Variants in ACSS1 observed in about 807,000 individuals in gnomAD.
The protein encoded by ACSS1 is acetyl-coenzyme A synthetase 2-like, mitochondrial.
Under a neutral mutation model 75.3 loss-of-function variants are expected in ACSS1, and 42 were observed. The observed-to-expected ratio is 0.56, with a 90% confidence interval of 0.44 to 0.72. ACSS1 has a LOEUF of 0.72. Ranked by LOEUF, ACSS1 falls within the 30% of genes least tolerant of loss-of-function variation. The pLI, the probability that ACSS1 is intolerant of heterozygous loss-of-function variation, is 0.00. For missense variants in ACSS1, 782 were observed against 935.7 expected (o/e 0.84, Z 2.14); for synonymous variants, 380 against 376.8 (o/e 1.01, Z -0.10).
chr20:25,017,849 A>T (rs1381128779), intron 7 of ACSS1, among the ~76,000 whole-genome samples: 4 of 152,158 alleles, frequency 2.6e-5, no homozygotes, highest in Non-Finnish European at 5.9e-5. Flanking sequence ...TGGAAAACCA[A>T]ATCTTGCCCT....
chr20:25,012,917 C>T lies in ACSS1; in HGVS notation c.1602G>A (p.Gly534=). The T allele has an allele frequency of 6.2e-7, 1 of 1,614,142 alleles. No homozygotes were observed. The highest frequency in any genetic ancestry group is 1.1e-5 in the South Asian group (1 of 91,084). The change falls in exon 11 of 14, where the codon GGG becomes GGA. Residue 534 remains glycine, a synonymous_variant. Transcript: ENST00000323482. ...AYPGYYFTGD[G]AYRTEGGYYQ... is the part of the protein sequence containing the mutation. ...AATAGCCGCCCTCAGTTCGGTAAGC[C>T]CCGTCTCCAGTGAAGTAATAGCCTG...
intron 7 of ACSS1, among the ~76,000 whole-genome samples, chr20:25,015,983 G>T (rs2088508984): frequency 6.6e-6 from 1 of 152,226 alleles, no homozygotes; most frequent in African/African-American, 2.4e-5. Flanking sequence ...GATGCCACCA[G>T]AAGTGGCTAT....
intron 7 of ACSS1, among the ~76,000 whole-genome samples, 197 bp downstream of exon 7, chr20:25,019,813 T>C (rs537444006): frequency 6.6e-6 from 1 of 152,328 alleles, no homozygotes; most frequent in Admixed American, 6.5e-5. Flanking sequence ...CCCAGACAGG[T>C]AACTGCTGCC....
At chr20:25,038,605 G>A (rs559186653) in intron 2 of ACSS1, among the ~76,000 whole-genome samples, 28 of 152,254 alleles carry the variant, frequency 1.8e-4, no homozygotes, top group African/African-American at 3.4e-4. Flanking sequence ...CCGTGTCGCC[G>A]GCTCAGGGCA....
chr20:25,026,832 T>C (rs1381821191), intron 3 of ACSS1, among the ~76,000 whole-genome samples: 1 of 152,198 alleles, frequency 6.6e-6, no homozygotes, highest in African/African-American at 2.4e-5. Context: ...CAGAGTCCTC[T>C]TCAGGACAGA....
chr20:25,052,328 A>G (rs2089186211), intron 1 of ACSS1, among the ~76,000 whole-genome samples: 1 of 152,196 alleles, frequency 6.6e-6, no homozygotes, highest in Non-Finnish European at 1.5e-5. Flanking sequence ...GACCCATGGC[A>G]ATTTAAAGTG....
chr20:25,039,785 T>A (rs2088972187), intron 2 of ACSS1, among the ~76,000 whole-genome samples: 1 of 152,266 alleles, frequency 6.6e-6, no homozygotes, highest in South Asian at 2.1e-4. Context: ...CTCATTCCTG[T>A]TAACGCCTGG....
Position 25,057,886 on chromosome 20 carries a change from A to G in ACSS1, c.217T>C (p.Trp73Arg), listed in dbSNP as rs2089267369. 1 of 1,612,434 alleles carries G rather than the reference A, an allele frequency of 6.2e-7. No homozygotes were observed. Among genetic ancestry groups the G allele is most frequent in the Non-Finnish European group, 8.5e-7 (1 of 1,179,634 alleles). The change falls in exon 1 of 14, where the codon TGG becomes CGG. Residue 73 changes from tryptophan (W) to arginine (R), a missense_variant. Coordinates refer to ENST00000323482, the MANE Select transcript of ACSS1 (RefSeq NM_032501.4). Reference sequence around the variant, plus strand: ...AGAGTGTCCCGCGCCAGAGGCCCCCAGAAGGCGGCCGGCTCCCGGGCTGCC... The same window carrying G: ...AGAGTGTCCCGCGCCAGAGGCCCCCGGAAGGCGGCCGGCTCCCGGGCTGCC... ...AQAAREPAAF[W>R]GPLARDTLVW...
chr20:25,031,795 C>T (rs1376901229), intron 2 of ACSS1, among the ~76,000 whole-genome samples: 1 of 152,224 alleles, frequency 6.6e-6, no homozygotes, highest in Non-Finnish European at 1.5e-5. Context: ...CATAGATCAT[C>T]ATGGTTCCAA....
intron 1 of ACSS1, among the ~76,000 whole-genome samples, chr20:25,053,832 C>A (rs1485019417): frequency 6.6e-6 from 1 of 152,242 alleles, no homozygotes. Context: ...AGAGTACACA[C>A]ACTGAAAAAC....
At chr20:25,016,047 A>G (rs1421261778) in intron 7 of ACSS1, among the ~76,000 whole-genome samples, 1 of 152,226 alleles carries the variant, frequency 6.6e-6, no homozygotes, top group Non-Finnish European at 1.5e-5. Flanking sequence ...CACATCCCTC[A>G]GGAGTAGGTG....
chr20:25,022,897 G>A (rs1485397683), intron 5 of ACSS1, 43 bp downstream of exon 5: 1 of 1,556,268 alleles, frequency 6.4e-7, no homozygotes, highest in Non-Finnish European at 8.7e-7. Flanking sequence ...GCCCCTGCCT[G>A]GATCCCTGCC....
intron 1 of ACSS1, among the ~76,000 whole-genome samples, chr20:25,057,098 C>G (rs2089252650): frequency 6.6e-6 from 1 of 152,230 alleles, no homozygotes; most frequent in African/African-American, 2.4e-5. Flanking sequence ...GGGTCCAAAG[C>G]AGGCCCCAGG....
intron 13 of ACSS1, among the ~76,000 whole-genome samples, chr20:25,008,468 T>C (rs1019958347): frequency 2.0e-5 from 3 of 152,236 alleles, no homozygotes; most frequent in Non-Finnish European, 2.9e-5. Flanking sequence ...ATTCTGTCTT[T>C]TGAAATAGTT....
At chr20:25,022,102 A>AT (rs1369432096) in intron 5 of ACSS1, among the ~76,000 whole-genome samples, 1 of 152,212 alleles carries the variant, frequency 6.6e-6, no homozygotes, top group Non-Finnish European at 1.5e-5. Context: ...CACACCTGTA[A>AT]TTCCAGCACT....
Position 25,007,798 on chromosome 20 carries a change from G to A in ACSS1, c.2034C>T (p.Tyr678=). ...CAGCCTGCTTGTCCTTGCACTTCTG[G>A]TAGACACTCAGGATCTCTGCGATGA... The part of the protein sequence containing the change: ...PSIIAEILSV[Y]QKCKDKQAAA... Residue 678 remains tyrosine, a synonymous_variant, in exon 14 of 14, where the codon TAC becomes TAT. Transcript: ENST00000323482. 1.2e-6 allele frequency: 2 copies of A among 1,614,162 alleles called. No homozygotes were observed. The highest frequency in any genetic ancestry group is 1.7e-6 in the Non-Finnish European group (2 of 1,180,008).
At chr20:25,051,483 A>C (rs76506657) in intron 1 of ACSS1, among the ~76,000 whole-genome samples, 2 of 152,254 alleles carry the variant, frequency 1.3e-5, no homozygotes, top group African/African-American at 4.8e-5. Flanking sequence ...AGTGCTTCTC[A>C]ACCTTGAGTG....
chr20:25,017,632 C>T (rs2088542139), intron 7 of ACSS1, among the ~76,000 whole-genome samples: 1 of 152,260 alleles, frequency 6.6e-6, no homozygotes, highest in South Asian at 2.1e-4. Context: ...CAAAACCCAG[C>T]TGAGCCTCTG....
chr20:25,043,524 A>G (rs1225679796), intron 2 of ACSS1, among the ~76,000 whole-genome samples: 1 of 152,210 alleles, frequency 6.6e-6, no homozygotes, highest in South Asian at 2.1e-4. Context: ...AGCCCAGCAC[A>G]GCACACCCAG....
Sources: allele counts gnomAD v4.1 joint callset (sites outside exome capture counted in the v4.1 genomes callset), GRCh38; gene constraint gnomAD v4.1.1; transcripts MANE v1.5; gene names NCBI Gene and HGNC (gene_info 2026-07-23, HGNC 2026-07-21).